Variants in KMT5C observed in about 807,000 individuals in gnomAD.
KMT5C encodes the protein histone-lysine N-methyltransferase KMT5C.
In KMT5C, 16 loss-of-function variants were observed where a neutral mutation model predicts 38.2. That is an observed-to-expected ratio of 0.42 (90% CI 0.28 to 0.64). The LOEUF (loss-of-function observed/expected upper bound fraction) is 0.64, where lower values mean the gene tolerates loss of function less well. Ranked by LOEUF, KMT5C falls within the 30% of genes least tolerant of loss-of-function variation. The pLI, the probability that KMT5C is intolerant of heterozygous loss-of-function variation, is 0.23. For synonymous variants in KMT5C, 291 were observed against 279.0 expected, an observed-to-expected ratio of 1.04 and a Z score of -0.43; for missense variants, 598 against 665.1, an observed-to-expected ratio of 0.90 and a Z score of 1.11.
chr19:55,342,248 G>T lies in KMT5C; in HGVS notation c.144G>T (p.Leu48=). The change falls in exon 3 of 9, where the codon CTG becomes CTT. Residue 48 remains leucine, a synonymous_variant. Transcript: ENST00000255613. The part of the protein sequence containing the change: ...PVPPLRRQQH[L]RSALETFLRQ... ...CCCCCCTGCGGCGACAGCAGCACCT[G>T]CGCTCAGCGCTGGAAACTTTCCTGA... is the stretch of plus-strand genomic sequence containing the variant. 6.2e-7 allele frequency: 1 copy of T among 1,609,534 alleles called. No homozygotes were observed. The highest frequency in any genetic ancestry group is 8.5e-7 in the Non-Finnish European group (1 of 1,178,838).
In KMT5C at chr19:55,343,390, G is replaced by A. The variant is rs2089582755; in HGVS notation, c.387-290G>A. Reference sequence around the variant, plus strand: ...GTAGTCCAGGCAGGAGGGATTTGGGGGCAGGAGGTGCTATGAGAGCGAGGG... The same window carrying A: ...GTAGTCCAGGCAGGAGGGATTTGGGAGCAGGAGGTGCTATGAGAGCGAGGG... On this transcript the variant is annotated intron_variant, in intron 4 of 8. Coordinates refer to ENST00000255613, the MANE Select transcript of KMT5C (RefSeq NM_032701.4). This position sits in a 1 kb window ranked among gnomAD's most constrained non-coding sequence, Gnocchi z 5.5. 1 of 471,456 alleles carries A rather than the reference G, an allele frequency of 2.1e-6. No homozygotes were observed. Among genetic ancestry groups the A allele is most frequent in the African/African-American group, 1.9e-5 (1 of 51,560 alleles). 29.2% of individuals were successfully genotyped at this position (471,456 alleles called of 1,614,324 possible). A position where few individuals can be genotyped will look rare whatever the true frequency, so the allele number is the denominator to read the frequency against.
chr19:55,342,522 C>G, intron 3 of KMT5C, 142 bp downstream of exon 3: 4 of 689,318 alleles, frequency 5.8e-6, no homozygotes, highest in Non-Finnish European at 9.6e-6. Flanking sequence ...CCATCTGAGG[C>G]AAGGCTCAGA....
chr19:55,344,299 T>C (rs1161554115), intron 6 of KMT5C: 1 of 292,842 alleles, frequency 3.4e-6, no homozygotes, highest in Non-Finnish European at 6.6e-6. Context: ...GAGGCGGAGC[T>C]TGCGGTGAGC....
intron 6 of KMT5C, 182 bp from the exon 7 acceptor site, chr19:55,346,031 G>A: frequency 1.5e-6 from 1 of 652,038 alleles, no homozygotes. Context: ...ATTGTCCAGG[G>A]GCTACAGGCA....
chr19:55,345,934 G>T, intron 6 of KMT5C: 1 of 493,660 alleles, frequency 2.0e-6, no homozygotes. Flanking sequence ...TGGAGGGAGT[G>T]GTCACCACTG....
rs776941847 is a variant in KMT5C, at chr19:55,346,515, T to A, written c.723T>A (p.Ala241=). 9 of 1,595,910 alleles carry A rather than the reference T, an allele frequency of 5.6e-6. No homozygotes were observed. The Admixed American group carries it at 1.6e-4, about 28-fold the overall frequency. Residue 241 remains alanine (A), a synonymous_variant, in exon 8 of 9, where the codon GCT becomes GCA. Coordinates refer to ENST00000255613, the MANE Select transcript of KMT5C (RefSeq NM_032701.4). ...CHTCERKGEG[A]FRTRPREPAL... ...GGTCTCCCAGGAAAGGTGAAGGAGC[T>A]TTCCGAACCAGGCCTAGGGAGCCCG...
rs1263297898 is a variant in KMT5C at position 55,343,402 on chromosome 19, T to C, written c.387-278T>C. On this transcript the variant is annotated intron_variant, in intron 4 of 8. Coordinates refer to ENST00000255613, the MANE Select transcript of KMT5C (RefSeq NM_032701.4). The surrounding 1 kb of genome is among the most constrained non-coding windows in gnomAD (Gnocchi z 5.5). ...GGAGGGATTTGGGGGCAGGAGGTGC[T>C]ATGAGAGCGAGGGGAGAGAATGGGG... The C allele has an allele frequency of 1.4e-5, 7 of 489,230 alleles. No homozygotes were observed. In the East Asian group the frequency reaches 2.5e-4, roughly 17 times the overall value. The allele number at this position is 489,230 out of a possible 1,614,324, so 30.3% of individuals were successfully genotyped here. A position where few individuals can be genotyped will look rare whatever the true frequency, so the allele number is the denominator to read the frequency against.
Position 55,343,798 on chromosome 19 carries a change from C to A in KMT5C, c.505C>A (p.Arg169=). ...DFSIMYSTRK[R]SAQLWLGPAA... ...CAGCATCATGTACTCAACCCGCAAG[C>A]GGAGTGCTCAGCTGTGGCTGGGCCC... Residue 169 remains arginine (R), a synonymous_variant, in exon 5 of 9, where the codon CGG becomes AGG. Coordinates refer to ENST00000255613, the MANE Select transcript of KMT5C (RefSeq NM_032701.4). The surrounding 1 kb of genome is among the most constrained non-coding windows in gnomAD (Gnocchi z 5.5). The A allele has an allele frequency of 1.2e-6, 2 of 1,613,532 alleles. No homozygotes were observed.
At chr19:55,345,684 G>A (rs1265620789) in intron 6 of KMT5C, among the ~76,000 whole-genome samples, 4 of 152,216 alleles carry the variant, frequency 2.6e-5, no homozygotes, top group African/African-American at 7.2e-5. Flanking sequence ...GCGCAGCTGT[G>A]TGGGGCTTAG....
At chr19:55,344,098 G>A in intron 6 of KMT5C, 101 bp downstream of exon 6, 4 of 1,322,182 alleles carry the variant, frequency 3.0e-6, no homozygotes, top group Non-Finnish European at 3.2e-6. Flanking sequence ...ACACCGGCCG[G>A]GCGCGGTGGC....
At chr19:55,341,194 C>A (rs1569018768) in intron 1 of KMT5C, among the ~76,000 whole-genome samples, 2 of 152,218 alleles carry the variant, frequency 1.3e-5, no homozygotes, top group Admixed American at 1.3e-4. Context: ...CCATAGTCTT[C>A]CTTTGCTCCC....
At chr19:55,344,058 G>A in intron 6 of KMT5C, 61 bp downstream of exon 6, 1 of 1,578,962 alleles carries the variant, frequency 6.3e-7, no homozygotes, top group East Asian at 2.3e-5. Flanking sequence ...TGTGGCCTGG[G>A]GAAAGGGTTT....
chr19:55,343,892 G>A lies in KMT5C; in HGVS notation c.550+49G>A. The A allele has an allele frequency of 1.2e-6, 2 of 1,608,136 alleles. No individual in the cohort carries two copies. Among genetic ancestry groups the A allele is most frequent in the South Asian group, 2.2e-5 (2 of 90,978 alleles). ...GCAGGACGGGATAGAGCCAGGCAGGGCTGGAGGGGTGTAGTGGGAGGGTTC... is the reference window on the plus strand; with the variant it reads ...GCAGGACGGGATAGAGCCAGGCAGGACTGGAGGGGTGTAGTGGGAGGGTTC... On this transcript the variant is annotated intron_variant, in intron 5 of 8. Transcript: ENST00000255613. This position sits in a 1 kb window ranked among gnomAD's most constrained non-coding sequence, Gnocchi z 5.5.
At position 55,347,771 on chromosome 19, in the gene KMT5C, G is replaced by T; in HGVS notation, c.*322G>T. On this transcript the variant is annotated 3_prime_UTR_variant, in exon 9 of 9. Coordinates refer to ENST00000255613, the MANE Select transcript of KMT5C (RefSeq NM_032701.4). The surrounding 1 kb of genome is among the most constrained non-coding windows in gnomAD (Gnocchi z 4.6). ...TCCCCAGGGAGCAAAGCCATAAGGG[G>T]CAGGGGCCACCCCACGGCATCTCCC... The T allele has an allele frequency of 8.2e-6, 3 of 366,656 alleles. No homozygotes were observed. The highest frequency in any genetic ancestry group is 4.4e-5 in the Admixed American group (1 of 22,622). 22.7% of individuals were successfully genotyped at this position (366,656 alleles called of 1,614,324 possible). A position where few individuals can be genotyped will look rare whatever the true frequency, so the allele number is the denominator to read the frequency against.
intron 6 of KMT5C, 113 bp from the exon 7 acceptor site, chr19:55,346,100 T>A: frequency 7.7e-7 from 1 of 1,302,286 alleles, no homozygotes; most frequent in Non-Finnish European, 1.1e-6. Flanking sequence ...GGCTCAGCTG[T>A]TGCCCCATTC....
chr19:55,343,120 T>G lies in KMT5C; in HGVS notation c.386+269T>G, dbSNP rs2089578627. On this transcript the variant is annotated intron_variant, in intron 4 of 8. Transcript: ENST00000255613. This position sits in a 1 kb window ranked among gnomAD's most constrained non-coding sequence, Gnocchi z 5.5. ...TGGTCAGGGCCGTGCTGTCCTTACC[T>G]CCTTGTGACCTGAGCCCCCACCACA... 3 of 402,552 alleles carry G rather than the reference T, an allele frequency of 7.5e-6. No homozygotes were observed. The highest frequency in any genetic ancestry group is 4.1e-5 in the African/African-American group (2 of 49,044). 24.9% of individuals were successfully genotyped at this position (402,552 alleles called of 1,614,324 possible).
chr19:55,340,293 T>G (rs2089542276), intron 1 of KMT5C, among the ~76,000 whole-genome samples: 1 of 149,152 alleles, frequency 6.7e-6, no homozygotes, highest in African/African-American at 2.5e-5. Flanking sequence ...GGCCTCTCCC[T>G]GCACCCCCAG....
intron 6 of KMT5C, chr19:55,344,819 G>T: frequency 2.0e-6 from 1 of 512,104 alleles, no homozygotes; most frequent in Non-Finnish European, 4.0e-6. Flanking sequence ...TGCACCCTCT[G>T]GAGCACAGAC....
Position 55,343,164 on chromosome 19 carries a change from G to A in KMT5C, c.386+313G>A. 2.7e-5 allele frequency: 4 copies of A among 146,034 alleles called. No individual in the cohort carries two copies. Among genetic ancestry groups the A allele is most frequent in the South Asian group, 8.3e-5 (1 of 12,026 alleles). The allele number at this position is 146,034 out of a possible 1,614,324, so 9.0% of individuals were successfully genotyped here. ...CACCACATGTTAAACACCCCTGAGT[G>A]CAATGAGGAGCCCCTGCCCCTGCCC... On this transcript the variant is annotated intron_variant, in intron 4 of 8. Coordinates refer to ENST00000255613, the MANE Select transcript of KMT5C (RefSeq NM_032701.4). This position sits in a 1 kb window ranked among gnomAD's most constrained non-coding sequence, Gnocchi z 5.5.
Sources: allele counts gnomAD v4.1 joint callset (sites outside exome capture counted in the v4.1 genomes callset), GRCh38; gene constraint gnomAD v4.1.1; non-coding constraint Gnocchi (gnomAD v3.1); transcripts MANE v1.5; gene names NCBI Gene and HGNC (gene_info 2026-07-23, HGNC 2026-07-21).